Variants in FBXO25 observed in about 807,000 individuals in gnomAD.
FBXO25 encodes the protein F-box only protein 25.
In FBXO25, 45 loss-of-function variants were observed where a neutral mutation model predicts 51.9. The observed-to-expected ratio is 0.87, with a 90% CI of 0.68 to 1.11. The LOEUF is 1.11. Among genes scored for constraint, FBXO25 ranks in the 50% most tolerant of loss-of-function variants. FBXO25 has a pLI of 0.00. For synonymous variants in FBXO25, 199 were observed against 151.0 expected (o/e 1.32, Z -2.33); for missense variants, 507 against 428.5 (o/e 1.18, Z -1.62).
Position 477,173 on chromosome 8 carries a change from A to G in FBXO25, c.*8369A>G, listed in dbSNP as rs542095601. ...TATTTTATTTCCTCAGTCTTTTGAA[A>G]TTTGTTGACTTGTTTAGTCATCTAA... On this transcript the variant is annotated 3_prime_UTR_variant, in exon 10 of 10. Transcript: ENST00000350302. 6.6e-6 allele frequency: 1 copy of G among 152,300 alleles called. No homozygotes were observed. The highest frequency in any genetic ancestry group is 2.1e-4 in the South Asian group (1 of 4,824). 9.4% of individuals were successfully genotyped at this position (152,300 alleles called of 1,614,324 possible).
chr8:428,566 A>T (rs1321142717), intron 2 of FBXO25, among the ~76,000 whole-genome samples: 1 of 152,044 alleles, frequency 6.6e-6, no homozygotes, highest in Admixed American at 6.6e-5. Context: ...TTGCCATCCT[A>T]ACCATTTTTA....
Position 422,525 on chromosome 8 carries a change from T to A in FBXO25, c.135-8816T>A, listed in dbSNP as rs544935015. 6.8e-4 allele frequency among the ~76,000 whole-genome samples: 103 copies of A among 152,256 alleles called. 1 individual carries two copies. The highest frequency in any genetic ancestry group is 2.4e-3 in the African/African-American group (101 of 41,538). ...GGTGGCCTGGCAAAACAACAAAGCC[T>A]GTGGTTGAGCTGGGAGTACCATGCC... On this transcript the variant is annotated intron_variant, in intron 2 of 9. Coordinates refer to ENST00000350302, the MANE Select transcript of FBXO25 (RefSeq NM_183420.2).
chr8:421,001 C>G (rs1031599932), intron 2 of FBXO25, among the ~76,000 whole-genome samples: 10 of 152,210 alleles, frequency 6.6e-5, no homozygotes, highest in African/African-American at 2.4e-4. Context: ...ATCCCATAAT[C>G]CAGGGGTCCC....
intron 4 of FBXO25, among the ~76,000 whole-genome samples, chr8:434,823 G>T (rs554071737): frequency 3.9e-5 from 6 of 152,168 alleles, no homozygotes; most frequent in Non-Finnish European, 7.3e-5. Context: ...GTATATCATG[G>T]AAGAAAAACA....
intron 8 of FBXO25, among the ~76,000 whole-genome samples, chr8:462,742 A>G (rs947249139): frequency 6.6e-6 from 1 of 152,166 alleles, no homozygotes; most frequent in African/African-American, 2.4e-5. Context: ...TTGGAGACTC[A>G]GAAGAGGGAA....
chr8:444,950 G>A (rs978793308), intron 5 of FBXO25, among the ~76,000 whole-genome samples: 3 of 152,134 alleles, frequency 2.0e-5, no homozygotes, highest in African/African-American at 4.8e-5. Flanking sequence ...CTTGTTAAGC[G>A]ACCCATGACT....
chr8:440,088 G>C (rs907035397), intron 5 of FBXO25, among the ~76,000 whole-genome samples: 3 of 152,178 alleles, frequency 2.0e-5, no homozygotes, highest in Non-Finnish European at 4.4e-5. Flanking sequence ...CCTCCCAGGC[G>C]GGGACTCGAG....
At chr8:439,069 A>G (rs377340343) in intron 5 of FBXO25, among the ~76,000 whole-genome samples, 36 of 152,348 alleles carry the variant, frequency 2.4e-4, no homozygotes, top group African/African-American at 7.9e-4. Flanking sequence ...TGCCCAGCAA[A>G]CCCAGGACAG....
At chr8:450,470 C>T (rs923160027) in intron 6 of FBXO25, among the ~76,000 whole-genome samples, 1 of 152,152 alleles carries the variant, frequency 6.6e-6, no homozygotes, top group African/African-American at 2.4e-5. Context: ...ATGAGCTTGC[C>T]TTGATAAGTT....
rs1454407655 is a variant in FBXO25, at chr8:468,899, G to C, written c.*95G>C. On this transcript the variant is annotated 3_prime_UTR_variant, in exon 10 of 10. Transcript: ENST00000350302. ...CTGTGAGGTGGGTGGAGACTCCTCG[G>C]AAGCCCCTGCTTCCAGAAAGCCTGG... The C allele has an allele frequency of 5.2e-6, 6 of 1,160,468 alleles. No homozygotes were observed. Among genetic ancestry groups the C allele is most frequent in the Non-Finnish European group, 7.2e-6 (6 of 830,476 alleles). 71.9% of individuals were successfully genotyped at this position (1,160,468 alleles called of 1,614,324 possible).
chr8:434,237 G>A lies in FBXO25; in HGVS notation c.288+1302G>A, dbSNP rs1037934146. Among the ~76,000 whole-genome samples the A allele has an allele frequency of 9.9e-5, 15 of 152,260 alleles. 1 individual carries two copies. Among genetic ancestry groups the A allele is most frequent in the South Asian group, 8.3e-4 (4 of 4,816 alleles). On this transcript the variant is annotated intron_variant, in intron 4 of 9. Transcript: ENST00000350302. ...TGTCCATGCTGGCTGGTGTCTCACCGCTTCCGAGGTTACATGCTGTGGTTC... is the reference window on the plus strand; with the variant it reads ...TGTCCATGCTGGCTGGTGTCTCACCACTTCCGAGGTTACATGCTGTGGTTC...
intron 1 of FBXO25, among the ~76,000 whole-genome samples, chr8:408,130 C>T (rs1477174094): frequency 6.6e-6 from 1 of 152,146 alleles, no homozygotes; most frequent in Non-Finnish European, 1.5e-5. Flanking sequence ...ACTCTCAGCC[C>T]TCAGTTTGCC....
chr8:427,597 G>T (rs865784809), intron 2 of FBXO25, among the ~76,000 whole-genome samples: 1 of 148,468 alleles, frequency 6.7e-6, no homozygotes, highest in Non-Finnish European at 1.5e-5. Context: ...CACAATTCTG[G>T]AGGCCAGAAA....
rs372438274 is a variant in FBXO25 at position 435,566 on chromosome 8, A to G, written c.289-49A>G. ...CACAATTAATTGACATTAACTGCCA[A>G]TTCTTTTTGGCTAATTGACTAATTT... On this transcript the variant is annotated intron_variant, in intron 4 of 9. Coordinates refer to ENST00000350302, the MANE Select transcript of FBXO25 (RefSeq NM_183420.2). 231 of 1,583,272 alleles carry G rather than the reference A, an allele frequency of 1.5e-4. 4 individuals are homozygous for G. The Middle Eastern group carries it at 3.4e-3, about 24-fold the overall frequency.
intron 7 of FBXO25, among the ~76,000 whole-genome samples, chr8:452,358 C>T (rs943779744): frequency 3.9e-5 from 6 of 152,204 alleles, no homozygotes; most frequent in Non-Finnish European, 8.8e-5. Flanking sequence ...CTTGGTGTGA[C>T]CCTACAGTCA....
chr8:412,398 A>C (rs753268243), intron 1 of FBXO25, among the ~76,000 whole-genome samples: 28 of 152,090 alleles, frequency 1.8e-4, no homozygotes, highest in Non-Finnish European at 4.0e-4. Context: ...TTATTTTGCC[A>C]CTGTATACTC....
rs1469862250 is a variant in FBXO25 at position 468,944 on chromosome 8, A to T, written c.*140A>T. The T allele has an allele frequency of 1.2e-5, 8 of 694,376 alleles. No individual in the cohort carries two copies. The highest frequency in any genetic ancestry group is 3.3e-4 in the Middle Eastern group (1 of 2,992). The allele number at this position is 694,376 out of a possible 1,614,324, so 43.0% of individuals were successfully genotyped here. A position where few individuals can be genotyped will look rare whatever the true frequency, so the allele number is the denominator to read the frequency against. On this transcript the variant is annotated 3_prime_UTR_variant, in exon 10 of 10. Transcript: ENST00000350302. ...GCCTGGGAAGAACTGCCCTTCTGCA[A>T]AGGGGGGACTGCATGGTTGCATTTT...
chr8:455,675 G>T (rs1028971028), intron 7 of FBXO25, among the ~76,000 whole-genome samples: 1 of 152,212 alleles, frequency 6.6e-6, no homozygotes, highest in Non-Finnish European at 1.5e-5. Flanking sequence ...ACAGTTGCAT[G>T]CAATAGCTGA....
chr8:475,278 G>C lies in FBXO25; in HGVS notation c.*6474G>C. The C allele has an allele frequency of 4.6e-6, 1 of 217,614 alleles. No individual in the cohort carries two copies. The highest frequency in any genetic ancestry group is 9.1e-6 in the Non-Finnish European group (1 of 109,924). The allele number at this position is 217,614 out of a possible 1,614,324, so 13.5% of individuals were successfully genotyped here. On this transcript the variant is annotated 3_prime_UTR_variant, in exon 10 of 10. Coordinates refer to ENST00000350302, the MANE Select transcript of FBXO25 (RefSeq NM_183420.2). ...TGTGCAAGGGTTTATTTGGGGATTT[G>C]CTATTCTGTTCCATTGGTCTACATG...
Sources: gnomAD v4.1 joint callset for allele counts (sites outside exome capture counted in the v4.1 genomes callset) on GRCh38, gnomAD v4.1.1 for gene constraint, MANE v1.5 for transcripts, NCBI Gene and HGNC (gene_info 2026-07-23, HGNC 2026-07-21) for gene names.